ALPK2: variants seen among roughly 807,000 people sequenced by gnomAD.
The protein encoded by ALPK2 is alpha kinase 2, also known as alpha-protein kinase 2.
A neutral mutation model predicts 163.1 loss-of-function variants in ALPK2; 127 were observed. The ratio of observed to expected loss-of-function variants is 0.78; its 90% CI spans 0.67 to 0.90. The LOEUF (loss-of-function observed/expected upper bound fraction) is 0.90, where lower values mean the gene tolerates loss of function less well. Ranked by LOEUF, ALPK2 falls within the 40% of genes least tolerant of loss-of-function variation. The probability of loss-of-function intolerance (pLI) is 0.00; values close to 1 mark genes in which losing one functional copy is unlikely to be tolerated. For missense variants in ALPK2, 2,360 were observed against 2,589.6 expected (o/e 0.91, Z 1.92); for synonymous variants, 953 against 959.1 (o/e 0.99, Z 0.12).
In ALPK2 at chr18:58,523,855, A is replaced by G. The variant is rs755966008; in HGVS notation, c.5630-14T>C. 2 of 1,614,092 alleles carry G rather than the reference A, an allele frequency of 1.2e-6. No homozygotes were observed. Among genetic ancestry groups the G allele is most frequent in the Admixed American group, 1.7e-5 (1 of 60,010 alleles). On this transcript the variant is annotated splice_polypyrimidine_tract_variant and intron_variant, in intron 7 of 12. Transcript: ENST00000361673. Reference sequence around the variant, plus strand: ...GCTGTTTGAGAACTAGAAGAAGACAAAGCAGAGAATGGCTTCAGTACAGAT... The same window carrying G: ...GCTGTTTGAGAACTAGAAGAAGACAGAGCAGAGAATGGCTTCAGTACAGAT...
intron 4 of ALPK2, among the ~76,000 whole-genome samples, chr18:58,538,749 T>G (rs538181854): frequency 6.6e-5 from 10 of 152,214 alleles, no homozygotes; most frequent in Non-Finnish European, 4.4e-5. Context: ...TCCTCAGGGT[T>G]GAAGGTGGGG....
intron 4 of ALPK2, chr18:58,566,477 T>C (rs1243000613): frequency 6.6e-6 from 1 of 152,216 alleles, no homozygotes; most frequent in Admixed American, 6.5e-5. Context: ...CAAATTCATC[T>C]TCTATCATAG....
At chr18:58,572,914 T>A (rs760590592) in intron 4 of ALPK2, among the ~76,000 whole-genome samples, 5 of 152,232 alleles carry the variant, frequency 3.3e-5, no homozygotes, top group African/African-American at 1.2e-4. Context: ...AATGTCAATA[T>A]CCTGGTTATG....
intron 8 of ALPK2, among the ~76,000 whole-genome samples, chr18:58,519,960 T>A (rs2051541163): frequency 6.6e-6 from 1 of 152,080 alleles, no homozygotes; most frequent in African/African-American, 2.4e-5. Flanking sequence ...GTAATGAAGG[T>A]AACAGGAGAA....
rs1435731171 is a variant in ALPK2, at chr18:58,507,860, TCCTTACTTGGGGATCAGACCA to T, written c.6030-3733_6030-3713del. On this transcript the variant is annotated intron_variant, in intron 10 of 12. Coordinates refer to ENST00000361673, the MANE Select transcript of ALPK2 (RefSeq NM_052947.4). ...CAGCCCCTCTCCAAAACAAAGCACC[TCCTTACTTGGGGATCAGACCA>T]CCTTTGTAAAACCAACAACTTGGCC... Among the ~76,000 whole-genome samples the T allele has an allele frequency of 2.6e-5, 4 of 152,092 alleles. No individual in the cohort carries two copies. In the East Asian group the frequency reaches 7.7e-4, roughly 29 times the overall value.
At chr18:58,578,052 A>G (rs1326712635) in intron 4 of ALPK2, 1 of 152,250 alleles carries the variant, frequency 6.6e-6, no homozygotes, top group Non-Finnish European at 1.5e-5. Context: ...TAAAAATATA[A>G]GTTATGTATC....
chr18:58,505,807 G>A lies in ALPK2; in HGVS notation c.6030-1659C>T, dbSNP rs981412847. On this transcript the variant is annotated intron_variant, in intron 10 of 12. Transcript: ENST00000361673. ...GGCAGCACGACCATCATGCTGTTAA[G>A]TCCAGTGTTCTCTTCTCGGCCCCCA... Among the ~76,000 whole-genome samples, 8 of 152,186 alleles carry A rather than the reference G, an allele frequency of 5.3e-5. No homozygotes were observed. The East Asian group carries it at 1.5e-3, about 29-fold the overall frequency.
At chr18:58,618,529 C>T (rs2052181839) in intron 1 of ALPK2, among the ~76,000 whole-genome samples, 1 of 152,166 alleles carries the variant, frequency 6.6e-6, no homozygotes, top group South Asian at 2.1e-4. Flanking sequence ...AAGATAATAG[C>T]AGTATCTATT....
At chr18:58,519,956 A>C (rs1175014883) in intron 8 of ALPK2, among the ~76,000 whole-genome samples, 1 of 152,206 alleles carries the variant, frequency 6.6e-6, no homozygotes, top group Non-Finnish European at 1.5e-5. Flanking sequence ...AAGAGTAATG[A>C]AGGTAACAGG....
intron 1 of ALPK2, among the ~76,000 whole-genome samples, chr18:58,616,581 C>T (rs947019169): frequency 6.6e-6 from 1 of 152,152 alleles, no homozygotes. Context: ...GTCTGGGGAG[C>T]TTCCAGAGAG....
In ALPK2 at chr18:58,537,433, G is replaced by A. The variant is rs1279460516; in HGVS notation, c.2754C>T (p.Thr918=). ...CATGTACTGTGGAGGCCAGTGGGTA[G>A]GTGGAATTCTCCACCTTGGCTAGAT... The part of the protein sequence containing the change: ...GENLAKVENS[T]YPLASTVHAG... Residue 918 remains threonine (T), a synonymous_variant, in exon 5 of 13, where the codon ACC becomes ACT. Coordinates refer to ENST00000361673, the MANE Select transcript of ALPK2 (RefSeq NM_052947.4). The A allele has an allele frequency of 4.3e-6, 7 of 1,613,280 alleles. 1 individual carries two copies. In the Admixed American group the frequency reaches 6.7e-5, roughly 15 times the overall value.
intron 12 of ALPK2, among the ~76,000 whole-genome samples, chr18:58,493,035 C>G (rs1024734429): frequency 6.6e-6 from 1 of 152,186 alleles, no homozygotes; most frequent in Non-Finnish European, 1.5e-5. Flanking sequence ...AATCAGCCAG[C>G]GGGCCAGCCA....
chr18:58,572,802 T>C (rs2051892721), intron 4 of ALPK2, among the ~76,000 whole-genome samples: 1 of 152,194 alleles, frequency 6.6e-6, no homozygotes, highest in South Asian at 2.1e-4. Context: ...TTGACTCTGG[T>C]AGTGGATACA....
intron 8 of ALPK2, among the ~76,000 whole-genome samples, chr18:58,520,097 T>A (rs916648816): frequency 2.6e-4 from 39 of 152,180 alleles, no homozygotes; most frequent in African/African-American, 9.4e-4. Context: ...CACTCCACGC[T>A]GCCCAAAGTC....
chr18:58,536,169 C>T lies in ALPK2; in HGVS notation c.4018G>A (p.Glu1340Lys), dbSNP rs752700582. ...TCATCTACAGGGTCCACGGATGACT[C>T]CAGGAGTCTGGGTTGGCTGAAACCC... ...SRGFSQPRLL[E>K]SSVDPVDEKE... The change falls in exon 5 of 13, where the codon GAG becomes AAG. Residue 1340 changes from glutamate (E) to lysine (K), a missense_variant. Glu to Lys is a moderately conservative substitution (Grantham distance 56). Coordinates refer to ENST00000361673, the MANE Select transcript of ALPK2 (RefSeq NM_052947.4). 7.4e-6 allele frequency: 12 copies of T among 1,614,008 alleles called. No individual in the cohort carries two copies. The highest frequency in any genetic ancestry group is 1.7e-5 in the Admixed American group (1 of 60,008).
rs1341914440 is a variant in ALPK2, at chr18:58,538,203, T to C, written c.1984A>G (p.Arg662Gly). 1 of 1,611,332 alleles carries C rather than the reference T, an allele frequency of 6.2e-7. No individual in the cohort carries two copies. Among genetic ancestry groups the C allele is most frequent in the Non-Finnish European group, 8.5e-7 (1 of 1,179,936 alleles). The change falls in exon 5 of 13, where the codon AGA (arginine) becomes GGA (glycine). Residue 662 changes from arginine (R) to glycine (G), a missense_variant. Transcript: ENST00000361673. The stretch of plus-strand genomic sequence containing the variant: ...ATCTGGCTGCAAGAGATTGTCTCTC[T>C]GACTGTTTCCTGAACTTGTACCTAG... ...PPQVQVQETV[R>G]ETISCSQMPA...
intron 2 of ALPK2, among the ~76,000 whole-genome samples, chr18:58,608,986 G>GA (rs200597860): frequency 0.025 from 3,708 of 150,798 alleles, 144 homozygotes; most frequent in African/African-American, 0.083. Context: ...GAAAAGAAAA[G>GA]AAAAAACGGA....
At chr18:58,530,739 T>C (rs1196607723) in intron 5 of ALPK2, among the ~76,000 whole-genome samples, 1 of 152,200 alleles carries the variant, frequency 6.6e-6, no homozygotes, top group Non-Finnish European at 1.5e-5. Context: ...ATAGGACCCC[T>C]GACTATGTGA....
intron 1 of ALPK2, among the ~76,000 whole-genome samples, chr18:58,618,309 A>C (rs2052180708): frequency 6.6e-6 from 1 of 152,176 alleles, no homozygotes; most frequent in African/African-American, 2.4e-5. Context: ...GGCCTCCCAA[A>C]GTGCTGAGAT....
Sources: gnomAD v4.1 joint callset for allele counts (sites outside exome capture counted in the v4.1 genomes callset) on GRCh38, gnomAD v4.1.1 for gene constraint, MANE v1.5 for transcripts, NCBI Gene and HGNC (gene_info 2026-07-23, HGNC 2026-07-21) for gene names.